The following CENPC variants were observed in gnomAD, a reference collection of about 807,000 sequenced individuals.
The protein encoded by CENPC is centromere protein C.
Under a neutral mutation model 112.1 loss-of-function variants are expected in CENPC, and 63 were observed. The observed-to-expected ratio is 0.56, with a 90% CI of 0.46 to 0.69. CENPC has a LOEUF of 0.69. Among genes scored for constraint, CENPC ranks in the 30% least tolerant of loss-of-function variants. The pLI is 0.00. For missense variants in CENPC, 1,000 were observed against 1,103.8 expected (o/e 0.91, Z 1.33); for synonymous variants, 333 against 367.6 (o/e 0.91, Z 1.08).
intron 5 of CENPC, among the ~76,000 whole-genome samples, chr4:67,524,433 C>A (rs115962238): frequency 6.6e-6 from 1 of 152,152 alleles, no homozygotes; most frequent in African/African-American, 2.4e-5. Context: ...ACTTAGAAAA[C>A]CCCATCGTTT....
intron 17 of CENPC, among the ~76,000 whole-genome samples, chr4:67,481,647 T>C (rs1724960892): frequency 1.3e-5 from 2 of 152,090 alleles, no homozygotes; most frequent in African/African-American, 4.8e-5. Context: ...AAACACTAAG[T>C]AGGGAAGGGA....
intron 12 of CENPC, among the ~76,000 whole-genome samples, chr4:67,496,942 G>A (rs1427621044): frequency 8.4e-6 from 1 of 119,490 alleles, no homozygotes; most frequent in Non-Finnish European, 1.6e-5. Flanking sequence ...CCTAGAACAA[G>A]TAGAGGTCTC....
intron 5 of CENPC, among the ~76,000 whole-genome samples, chr4:67,528,436 TCAAA>T (rs1259416036): frequency 6.6e-6 from 1 of 152,194 alleles, no homozygotes. Flanking sequence ...TTTCATCATT[TCAAA>T]CAAATTCTGT....
intron 15 of CENPC, 37 bp downstream of exon 15, chr4:67,492,832 T>C: frequency 1.3e-6 from 2 of 1,501,536 alleles, no homozygotes; most frequent in Non-Finnish European, 8.9e-7. Flanking sequence ...CTATTTAAAA[T>C]AAAATCTAAA....
chr4:67,499,779 C>A (rs184561947), intron 12 of CENPC, among the ~76,000 whole-genome samples: 5 of 152,322 alleles, frequency 3.3e-5, no homozygotes, highest in Admixed American at 6.5e-5. Flanking sequence ...TGGACTATCT[C>A]GGTTTCTGAC....
At chr4:67,543,874 T>C (rs2109839687) in intron 2 of CENPC, among the ~76,000 whole-genome samples, 1 of 152,332 alleles carries the variant, frequency 6.6e-6, no homozygotes, top group East Asian at 1.9e-4. Flanking sequence ...TTTGATTCAT[T>C]CTACAAAATG....
At position 67,493,526 on chromosome 4, in the gene CENPC, C is replaced by G. The variant is rs568926408; in HGVS notation, c.2290+358G>C. 7.0e-4 allele frequency: 137 copies of G among 196,256 alleles called. 3 individuals carry two copies. In the South Asian group the frequency reaches 0.012, roughly 18 times the overall value. 12.2% of individuals were successfully genotyped at this position (196,256 alleles called of 1,614,324 possible). A position where few individuals can be genotyped will look rare whatever the true frequency, so the allele number is the denominator to read the frequency against. On this transcript the variant is annotated intron_variant, in intron 14 of 18. Transcript: ENST00000273853. ...AACTCTACGATTAACACTACACTTT[C>G]TTGCCCACCCTACACTACTTTGTAG... is the stretch of plus-strand genomic sequence containing the variant.
chr4:67,486,098 T>C (rs979924498), intron 17 of CENPC, among the ~76,000 whole-genome samples: 11 of 152,200 alleles, frequency 7.2e-5, no homozygotes, highest in African/African-American at 2.4e-5. Flanking sequence ...CTAAAAAGTA[T>C]ATATTTCTAG....
At chr4:67,520,588 TCTTCTACCCACCCCA>T (rs1726196644) in intron 5 of CENPC, among the ~76,000 whole-genome samples, 1 of 152,148 alleles carries the variant, frequency 6.6e-6, no homozygotes, top group South Asian at 2.1e-4. Context: ...TCAAAAGGCA[TCTTCTACCCACCCCA>T]GACAGCACCA....
chr4:67,492,845 T>C (rs1725320988), intron 15 of CENPC, 24 bp downstream of exon 15: 2 of 1,519,874 alleles, frequency 1.3e-6, no homozygotes, highest in African/African-American at 1.4e-5. Context: ...AATCTAAAAG[T>C]TACTTTCAGA....
At chr4:67,536,974 G>A (rs560794116) in intron 4 of CENPC, among the ~76,000 whole-genome samples, 1 of 147,490 alleles carries the variant, frequency 6.8e-6, no homozygotes, top group South Asian at 2.1e-4. Flanking sequence ...GATCACTTAA[G>A]CCCAGGAGTT....
intron 16 of CENPC, among the ~76,000 whole-genome samples, chr4:67,490,837 A>AATATATATATATATAT (rs57498869): frequency 1.8e-5 from 1 of 57,112 alleles, no homozygotes; most frequent in African/African-American, 5.9e-5. Flanking sequence ...TATAGAAATA[A>AATATATATATATATAT]ATATATATAT....
At position 67,470,588 on chromosome 4, in the gene CENPC, G is replaced by GAAAAC. The variant is rs1724632541; in HGVS notation, c.*2016_*2017insGTTTT. 1.5e-5 allele frequency: 1 copy of GAAAAC among 66,788 alleles called. No individual in the cohort carries two copies. Among genetic ancestry groups the GAAAAC allele is most frequent in the African/African-American group, 5.5e-5 (1 of 18,204 alleles). The allele number at this position is 66,788 out of a possible 1,614,324, so 4.1% of individuals were successfully genotyped here. Reference sequence around the variant, plus strand: ...ACTCTGCCTCAAAAAAAAAAAAAAAGAAAAGAAAAGAAAAAAGAAAATAAA... The same window carrying GAAAAC: ...ACTCTGCCTCAAAAAAAAAAAAAAAGAAAACAAAAGAAAAGAAAAAAGAAAATAAA... On this transcript the variant is annotated 3_prime_UTR_variant, in exon 19 of 19. Coordinates refer to ENST00000273853, the MANE Select transcript of CENPC (RefSeq NM_001812.4).
At chr4:67,519,654 T>C (rs13104130) in intron 5 of CENPC, among the ~76,000 whole-genome samples, 152 bp from the exon 6 acceptor site, 21,826 of 152,098 alleles carry the variant, frequency 0.14, 2,010 homozygotes, top group Middle Eastern at 0.24. Flanking sequence ...ATGATTAAAA[T>C]AAGTAAGTAC....
rs146354874 is a variant in CENPC, at chr4:67,471,590, A to T, written c.*1015T>A. ...AAGAGAAATCACAATAGAAAATTAT[A>T]AAGTATAAAAAAAGAGCCATCACAC... On this transcript the variant is annotated 3_prime_UTR_variant, in exon 19 of 19. Coordinates refer to ENST00000273853, the MANE Select transcript of CENPC (RefSeq NM_001812.4). 1 of 152,182 alleles carries T rather than the reference A, an allele frequency of 6.6e-6. No homozygotes were observed. The highest frequency in any genetic ancestry group is 6.5e-5 in the Admixed American group (1 of 15,280). 9.4% of individuals were successfully genotyped at this position (152,182 alleles called of 1,614,324 possible). A position where few individuals can be genotyped will look rare whatever the true frequency, so the allele number is the denominator to read the frequency against.
chr4:67,475,293 T>A (rs1453876413), intron 17 of CENPC, among the ~76,000 whole-genome samples: 1 of 152,250 alleles, frequency 6.6e-6, no homozygotes, highest in Non-Finnish European at 1.5e-5. Flanking sequence ...CTTGCACCGT[T>A]GCTGGCACTA....
At chr4:67,527,075 A>G (rs1158744227) in intron 5 of CENPC, among the ~76,000 whole-genome samples, 2 of 152,222 alleles carry the variant, frequency 1.3e-5, no homozygotes, top group African/African-American at 2.4e-5. Context: ...ATACATCAAA[A>G]TAAGTGAAAT....
At position 67,486,299 on chromosome 4, in the gene CENPC, GTATCA is replaced by G. The variant is rs528647157; in HGVS notation, c.2670+3663_2670+3667del. 2.0e-5 allele frequency among the ~76,000 whole-genome samples: 3 copies of G among 152,188 alleles called. No individual in the cohort carries two copies. In the South Asian group the frequency reaches 6.2e-4, roughly 32 times the overall value. On this transcript the variant is annotated intron_variant, in intron 17 of 18. Transcript: ENST00000273853. ...CATCTTATTTCAAAATAAATGCCCA[GTATCA>G]TAATTCATCTGCAAATATTTCAGTA...
At chr4:67,491,470 TATATATATATAGAGAG>T (rs1477128535) in intron 16 of CENPC, among the ~76,000 whole-genome samples, 36 of 47,440 alleles carry the variant, frequency 7.6e-4, no homozygotes, top group African/African-American at 1.3e-3. Context: ...TATATATATA[TATATATATATAGAGAG>T]AGAGAGAGAG....
Sources: gnomAD v4.1 joint callset for allele counts (sites outside exome capture counted in the v4.1 genomes callset) on GRCh38, gnomAD v4.1.1 for gene constraint, MANE v1.5 for transcripts, NCBI Gene and HGNC (gene_info 2026-07-23, HGNC 2026-07-21) for gene names.